Variants in KCNIP4 observed in about 807,000 individuals in gnomAD.
KCNIP4 encodes the protein Kv channel-interacting protein 4.
Under a neutral mutation model 34.0 loss-of-function variants are expected in KCNIP4, and 12 were observed. The ratio of observed to expected loss-of-function variants is 0.35; its 90% CI spans 0.23 to 0.57. The LOEUF (loss-of-function observed/expected upper bound fraction) is 0.57. KCNIP4 is among the 20% of genes least tolerant of loss of function. KCNIP4 has a pLI of 0.83. For missense variants in KCNIP4, 238 were observed against 311.7 expected (o/e 0.76, Z 1.78); for synonymous variants, 124 against 102.2 (o/e 1.21, Z -1.29).
At chr4:21,772,632 T>G (rs1055205774) in intron 1 of KCNIP4, among the ~76,000 whole-genome samples, 1 of 152,180 alleles carries the variant, frequency 6.6e-6, no homozygotes, top group African/African-American at 2.4e-5. Flanking sequence ...ATTCAACTGC[T>G]TCCTGGTTTA....
At chr4:21,678,754 T>C (rs2109020715) in intron 1 of KCNIP4, among the ~76,000 whole-genome samples, 1 of 152,334 alleles carries the variant, frequency 6.6e-6, no homozygotes, top group Admixed American at 6.5e-5. Context: ...CATTCTCTGA[T>C]AGTCTATCTT....
intron 1 of KCNIP4, among the ~76,000 whole-genome samples, chr4:21,574,178 T>C (rs76830674): frequency 0.039 from 5,923 of 152,202 alleles, 377 homozygotes; most frequent in African/African-American, 0.13. Flanking sequence ...ATCTTACAAA[T>C]GGTGGTGTCT....
At chr4:21,659,808 C>T (rs1374439993) in intron 1 of KCNIP4, among the ~76,000 whole-genome samples, 1 of 152,116 alleles carries the variant, frequency 6.6e-6, no homozygotes, top group East Asian at 1.9e-4. Flanking sequence ...GTTAATTAAT[C>T]TTCCTGTGCT....
intron 1 of KCNIP4, among the ~76,000 whole-genome samples, chr4:20,968,240 C>G (rs1449585886): frequency 6.6e-6 from 1 of 152,090 alleles, no homozygotes; most frequent in Non-Finnish European, 1.5e-5. Context: ...CCATCTCACA[C>G]CAGTTAGAAT....
intron 1 of KCNIP4, among the ~76,000 whole-genome samples, chr4:21,773,749 T>G (rs28813477): frequency 5.0e-5 from 4 of 79,570 alleles, no homozygotes; most frequent in Admixed American, 3.0e-4. Flanking sequence ...TTTGTTGTTT[T>G]TTTTTTTTTG....
At chr4:21,802,430 G>A (rs146670734) in intron 1 of KCNIP4, among the ~76,000 whole-genome samples, 33 of 152,056 alleles carry the variant, frequency 2.2e-4, no homozygotes, top group African/African-American at 7.5e-4. Flanking sequence ...TTTTGTTTTT[G>A]TTTTCCTAAA....
chr4:21,074,553 G>A (rs576012939), intron 1 of KCNIP4, among the ~76,000 whole-genome samples: 16 of 152,048 alleles, frequency 1.1e-4, no homozygotes, highest in South Asian at 1.0e-3. Context: ...TCTTGCTAGC[G>A]CTCTATTAAC....
At chr4:20,918,223 C>T (rs1328773537) in intron 1 of KCNIP4, among the ~76,000 whole-genome samples, 1 of 152,004 alleles carries the variant, frequency 6.6e-6, no homozygotes, top group Admixed American at 6.6e-5. Flanking sequence ...TCTTACAGAG[C>T]TTTCTCTGTA....
At chr4:21,491,491 C>G (rs1045363676) in intron 1 of KCNIP4, among the ~76,000 whole-genome samples, 3 of 152,180 alleles carry the variant, frequency 2.0e-5, no homozygotes, top group Non-Finnish European at 4.4e-5. Flanking sequence ...CCTTCTGCCT[C>G]AGCCTCTCAA....
At chr4:21,109,588 C>A (rs4464570) in intron 1 of KCNIP4, among the ~76,000 whole-genome samples, 1 of 152,076 alleles carries the variant, frequency 6.6e-6, no homozygotes, top group African/African-American at 2.4e-5. Flanking sequence ...CTTTGGCTCG[C>A]GCATGGTGCG....
At chr4:21,375,544 A>T (rs893820744) in intron 1 of KCNIP4, among the ~76,000 whole-genome samples, 1 of 148,992 alleles carries the variant, frequency 6.7e-6, no homozygotes, top group Non-Finnish European at 1.5e-5. Flanking sequence ...TACAATTATC[A>T]TTGTTACCCT....
intron 1 of KCNIP4, among the ~76,000 whole-genome samples, chr4:21,769,011 T>G (rs560826520): frequency 6.6e-6 from 1 of 152,238 alleles, no homozygotes; most frequent in South Asian, 2.1e-4. Flanking sequence ...AGCTCTAAGC[T>G]ATATGAAATA....
chr4:21,793,234 T>G (rs972630165), intron 1 of KCNIP4, among the ~76,000 whole-genome samples: 1 of 152,166 alleles, frequency 6.6e-6, no homozygotes, highest in South Asian at 2.1e-4. Context: ...CCTGTGCACA[T>G]TGACACGTTC....
At chr4:21,465,960 G>A (rs1729892835) in intron 1 of KCNIP4, among the ~76,000 whole-genome samples, 2 of 152,166 alleles carry the variant, frequency 1.3e-5, no homozygotes, top group Admixed American at 1.3e-4. Flanking sequence ...AAAGAAGTGA[G>A]GTGGAGTGCT....
At chr4:21,169,937 A>G (rs1436367286) in intron 1 of KCNIP4, among the ~76,000 whole-genome samples, 1 of 152,114 alleles carries the variant, frequency 6.6e-6, no homozygotes, top group Non-Finnish European at 1.5e-5. Context: ...CCATTCTATA[A>G]TGCCCACACA....
chr4:21,737,574 T>C lies in KCNIP4; in HGVS notation c.61+210997A>G, dbSNP rs116828413. Among the ~76,000 whole-genome samples, 327 of 152,260 alleles carry C rather than the reference T, an allele frequency of 2.1e-3. 1 individual carries two copies. The highest frequency in any genetic ancestry group is 7.7e-3 in the African/African-American group (318 of 41,562). On this transcript the variant is annotated intron_variant, in intron 1 of 8. Coordinates refer to ENST00000382152, the MANE Select transcript of KCNIP4 (RefSeq NM_025221.6). The stretch of plus-strand genomic sequence containing the variant: ...AGCTGTCATGTGGTCAAAACAAGAA[T>C]GCATTCATATTTCTCAACTCCCAGG...
chr4:21,702,743 C>T (rs1347108769), intron 1 of KCNIP4, among the ~76,000 whole-genome samples: 1 of 151,934 alleles, frequency 6.6e-6, no homozygotes, highest in Non-Finnish European at 1.5e-5. Context: ...CTTCATAATT[C>T]ATTTTATGAG....
intron 1 of KCNIP4, among the ~76,000 whole-genome samples, chr4:21,726,880 A>G (rs1320586358): frequency 6.6e-6 from 1 of 152,106 alleles, no homozygotes; most frequent in Non-Finnish European, 1.5e-5. Context: ...TAAATTCTCA[A>G]TTATCTTTCT....
intron 1 of KCNIP4, among the ~76,000 whole-genome samples, chr4:21,906,599 A>G (rs376008460): frequency 7.9e-5 from 12 of 152,228 alleles, no homozygotes; most frequent in Non-Finnish European, 1.5e-4. Context: ...TAGAAGCCAC[A>G]AAGTTCAGGG....
Sources: allele counts gnomAD v4.1 joint callset (sites outside exome capture counted in the v4.1 genomes callset), GRCh38; gene constraint gnomAD v4.1.1; transcripts MANE v1.5; gene names NCBI Gene and HGNC (gene_info 2026-07-23, HGNC 2026-07-21).